The following SERTAD1 variants were observed in gnomAD, a reference collection of about 807,000 sequenced individuals.
SERTAD1 encodes SERTA domain containing 1.
SERTAD1 carries 5 observed loss-of-function variants against 11.7 expected under a neutral mutation model. The observed-to-expected ratio is 0.43, with a 90% confidence interval of 0.22 to 0.90. The LOEUF is 0.90. Among genes scored for constraint, SERTAD1 ranks in the 40% least tolerant of loss-of-function variants. The probability of loss-of-function intolerance (pLI) is 0.27; values close to 1 mark genes in which losing one functional copy is unlikely to be tolerated. For synonymous variants in SERTAD1, 139 were observed against 141.4 expected (o/e 0.98, Z 0.12); for missense variants, 287 against 313.9 (o/e 0.91, Z 0.65).
chr19:40,423,064 GGCT>G lies in SERTAD1; in HGVS notation c.480_482del (p.Ala161del). 1 of 1,581,894 alleles carries G rather than the reference GGCT, an allele frequency of 6.3e-7. No homozygotes were observed. Among genetic ancestry groups the G allele is most frequent in the Non-Finnish European group, 8.6e-7 (1 of 1,164,026 alleles). Reference sequence around the variant, plus strand: ...GCCCATCGTCCAGTAGACAGCCAGTGGCTGGGCCCAGCAGGTCCAAGGCACCCA... The same window carrying G: ...GCCCATCGTCCAGTAGACAGCCAGTGGGGCCCAGCAGGTCCAAGGCACCCA... On this transcript the variant is annotated inframe_deletion, in exon 2 of 2. Coordinates refer to ENST00000357949, the MANE Select transcript of SERTAD1 (RefSeq NM_013376.4).
intron 1 of SERTAD1, among the ~76,000 whole-genome samples, chr19:40,423,888 G>A (rs985938171): frequency 3.3e-5 from 5 of 151,770 alleles, no homozygotes; most frequent in Non-Finnish European, 7.4e-5. Flanking sequence ...CACCACACCC[G>A]GCTAATTTTT....
Position 40,422,195 on chromosome 19 carries a change from G to A in SERTAD1, c.*641C>T, listed in dbSNP as rs2145756523. 6.7e-6 allele frequency: 1 copy of A among 150,220 alleles called. No homozygotes were observed. Among genetic ancestry groups the A allele is most frequent in the East Asian group, 2.0e-4 (1 of 5,122 alleles). The allele number at this position is 150,220 out of a possible 1,614,324, so 9.3% of individuals were successfully genotyped here. A position where few individuals can be genotyped will look rare whatever the true frequency, so the allele number is the denominator to read the frequency against. On this transcript the variant is annotated 3_prime_UTR_variant, in exon 2 of 2. Transcript: ENST00000357949. Reference sequence around the variant, plus strand: ...CGCTTGAGCCCAGGAGTTTGAGGCTGTAGTGAGCCATGATCAGACCACTGT... The same window carrying A: ...CGCTTGAGCCCAGGAGTTTGAGGCTATAGTGAGCCATGATCAGACCACTGT...
At position 40,423,282 on chromosome 19, in the gene SERTAD1, G is replaced by A; in HGVS notation, c.265C>T (p.Pro89Ser). 1 of 1,608,498 alleles carries A rather than the reference G, an allele frequency of 6.2e-7. No individual in the cohort carries two copies. The change falls in exon 2 of 2, where the codon CCT becomes TCT. Residue 89 changes from proline (P) to serine (S), a missense_variant. By Grantham distance (74) the Pro-to-Ser change is moderately conservative (BLOSUM62 -1). Coordinates refer to ENST00000357949, the MANE Select transcript of SERTAD1 (RefSeq NM_013376.4). ...ASMAPAAALPPVPSPPAAPSV... is the reference protein window; with the variant it reads ...ASMAPAAALPSVPSPPAAPSV... The stretch of plus-strand genomic sequence containing the variant: ...GGGGCTGCAGGTGGGCTAGGCACAG[G>A]TGGCAGGGCAGCCGCGGGTGCCATG...
Position 40,424,518 on chromosome 19 carries a change from T to C in SERTAD1, c.1-972A>G, listed in dbSNP as rs2079609628. On this transcript the variant is annotated intron_variant, in intron 1 of 1. Transcript: ENST00000357949. ...ATATTTATTGTCTACTATGACTATG[T>C]TTCAAACAGTAAATAAATAAGGAAA... Among the ~76,000 whole-genome samples the C allele has an allele frequency of 2.6e-5, 4 of 152,130 alleles. No individual in the cohort carries two copies. In the South Asian group the frequency reaches 6.2e-4, roughly 24 times the overall value.
At chr19:40,424,770 T>C (rs1599673766) in intron 1 of SERTAD1, among the ~76,000 whole-genome samples, 2 of 152,204 alleles carry the variant, frequency 1.3e-5, no homozygotes, top group African/African-American at 4.8e-5. Flanking sequence ...GAGACCAGCA[T>C]GGGTGGCACA....
Position 40,422,959 on chromosome 19 carries a change from T to C in SERTAD1, c.588A>G (p.Pro196=). 5 of 1,605,894 alleles carry C rather than the reference T, an allele frequency of 3.1e-6. No individual in the cohort carries two copies. Among genetic ancestry groups the C allele is most frequent in the Non-Finnish European group, 8.5e-7 (1 of 1,175,918 alleles). The change falls in exon 2 of 2, where the codon CCA becomes CCG. Residue 196 remains proline, a synonymous_variant. Transcript: ENST00000357949. The stretch of plus-strand genomic sequence containing the variant: ...CCTTGCCCGGCCCATCCTCAGGGCC[T>C]GGTTTGAGGCCCTCAGAGGCTGGTG... ...LWAPASEGLK[P]GPEDGPGKEE...
rs546888322 is a variant in SERTAD1 at position 40,425,563 on chromosome 19, C to T, written c.-1+304G>A. Among the ~76,000 whole-genome samples the T allele has an allele frequency of 1.3e-4, 20 of 152,334 alleles. No individual in the cohort carries two copies. In the South Asian group the frequency reaches 3.9e-3, roughly 30 times the overall value. On this transcript the variant is annotated intron_variant, in intron 1 of 1. Coordinates refer to ENST00000357949, the MANE Select transcript of SERTAD1 (RefSeq NM_013376.4). ...CTCCCGGCGCCGTGCGAGCCGGGAC[C>T]CCTGGCGGGCTGTTCTCTGCGCCCG...
intron 1 of SERTAD1, among the ~76,000 whole-genome samples, chr19:40,425,225 G>T (rs997009309): frequency 6.6e-6 from 1 of 152,142 alleles, no homozygotes; most frequent in Non-Finnish European, 1.5e-5. Context: ...AGTGGCGGGG[G>T]TAGGGCTGGA....
Position 40,425,965 on chromosome 19 carries a change from C to T in SERTAD1, c.-99G>A, listed in dbSNP as rs1178481949. The T allele has an allele frequency of 6.6e-6, 1 of 152,250 alleles. No individual in the cohort carries two copies. Among genetic ancestry groups the T allele is most frequent in the East Asian group, 1.9e-4 (1 of 5,180 alleles). 9.4% of individuals were successfully genotyped at this position (152,250 alleles called of 1,614,324 possible). A position where few individuals can be genotyped will look rare whatever the true frequency, so the allele number is the denominator to read the frequency against. The stretch of plus-strand genomic sequence containing the variant: ...CGCTTGTTGGCTGTCCTCCGGAAAC[C>T]CGCGCCTGGGTCGCGAGACGCAGTT... On this transcript the variant is annotated 5_prime_UTR_variant, in exon 1 of 2. Transcript: ENST00000357949.
intron 1 of SERTAD1, among the ~76,000 whole-genome samples, chr19:40,425,433 G>A (rs1160903683): frequency 6.6e-6 from 1 of 152,020 alleles, no homozygotes; most frequent in African/African-American, 2.4e-5. Context: ...CCGGGTCCCG[G>A]CGCCCCCTAG....
intron 1 of SERTAD1, among the ~76,000 whole-genome samples, chr19:40,425,366 C>A (rs2079612561): frequency 6.6e-6 from 1 of 152,238 alleles, no homozygotes; most frequent in African/African-American, 2.4e-5. Context: ...GTCCCCTTCC[C>A]CGCAGTCCGG....
rs139675217 is a variant in SERTAD1, at chr19:40,423,064, G to C, written c.483C>G (p.Ala161=). ...SLGALDLLGP[A]TGCLLDDGLE... Reference sequence around the variant, plus strand: ...GCCCATCGTCCAGTAGACAGCCAGTGGCTGGGCCCAGCAGGTCCAAGGCAC... The same window carrying C: ...GCCCATCGTCCAGTAGACAGCCAGTCGCTGGGCCCAGCAGGTCCAAGGCAC... The change falls in exon 2 of 2, where the codon GCC becomes GCG. Residue 161 remains alanine (A), a synonymous_variant. Transcript: ENST00000357949. 8.1e-4 allele frequency: 1,279 copies of C among 1,581,894 alleles called. 11 individuals carry two copies. The highest frequency in any genetic ancestry group is 2.7e-3 in the Middle Eastern group (16 of 6,024).
chr19:40,422,141 A>G lies in SERTAD1; in HGVS notation c.*695T>C, dbSNP rs1310958615. On this transcript the variant is annotated 3_prime_UTR_variant, in exon 2 of 2. Coordinates refer to ENST00000357949, the MANE Select transcript of SERTAD1 (RefSeq NM_013376.4). ...AATCTGTCTTAAAAAAAAAAGAAAGAAAAAAAAAAAGTGGCCTGGTAGGAG... is the reference window on the plus strand; with the variant it reads ...AATCTGTCTTAAAAAAAAAAGAAAGGAAAAAAAAAAGTGGCCTGGTAGGAG... 2 of 138,954 alleles carry G rather than the reference A, an allele frequency of 1.4e-5. No individual in the cohort carries two copies. The highest frequency in any genetic ancestry group is 4.0e-4 in the East Asian group (2 of 5,016). 8.6% of individuals were successfully genotyped at this position (138,954 alleles called of 1,614,324 possible).
intron 1 of SERTAD1, among the ~76,000 whole-genome samples, chr19:40,424,536 TAAGG>T (rs1286053834): frequency 6.6e-6 from 1 of 152,112 alleles, no homozygotes; most frequent in Non-Finnish European, 1.5e-5. Context: ...AGTAAATAAA[TAAGG>T]AAACACAGGA....
In SERTAD1 at chr19:40,421,823, C is replaced by T. The variant is rs1211743058; in HGVS notation, c.*1013G>A. On this transcript the variant is annotated 3_prime_UTR_variant, in exon 2 of 2. Coordinates refer to ENST00000357949, the MANE Select transcript of SERTAD1 (RefSeq NM_013376.4). ...ATTTTTAAAAAGTTGCCTTGACTTCCTGCTAGCAAAGAAAAGAAATAAAAT... is the reference window on the plus strand; with the variant it reads ...ATTTTTAAAAAGTTGCCTTGACTTCTTGCTAGCAAAGAAAAGAAATAAAAT... 6.6e-6 allele frequency: 1 copy of T among 151,194 alleles called. No individual in the cohort carries two copies. The highest frequency in any genetic ancestry group is 1.9e-4 in the East Asian group (1 of 5,166). 9.4% of individuals were successfully genotyped at this position (151,194 alleles called of 1,614,324 possible).
At chr19:40,424,005 T>A (rs1420320401) in intron 1 of SERTAD1, among the ~76,000 whole-genome samples, 5 of 152,092 alleles carry the variant, frequency 3.3e-5, no homozygotes, top group African/African-American at 9.7e-5. Context: ...TGGGATTACA[T>A]GCGTGAGCCA....
intron 1 of SERTAD1, 39 bp from the exon 2 acceptor site, chr19:40,423,585 T>C (rs1283567202): frequency 3.8e-6 from 5 of 1,325,160 alleles, no homozygotes; most frequent in Admixed American, 4.3e-5. Context: ...TAGTCAGTTA[T>C]AGAAAACAAA....
chr19:40,424,019 C>T (rs1226972954), intron 1 of SERTAD1, among the ~76,000 whole-genome samples: 1 of 151,996 alleles, frequency 6.6e-6, no homozygotes, highest in East Asian at 1.9e-4. Flanking sequence ...TGAGCCACCG[C>T]GCCTGGCCTA....
chr19:40,422,597 AG>A lies in SERTAD1; in HGVS notation c.*238del. 1 of 498,192 alleles carries A rather than the reference AG, an allele frequency of 2.0e-6. No individual in the cohort carries two copies. Among genetic ancestry groups the A allele is most frequent in the Non-Finnish European group, 3.5e-6 (1 of 283,846 alleles). The allele number at this position is 498,192 out of a possible 1,614,324, so 30.9% of individuals were successfully genotyped here. A position where few individuals can be genotyped will look rare whatever the true frequency, so the allele number is the denominator to read the frequency against. ...CAGCCCAAGCTATGACCCCAGGGCC[AG>A]GGAATTCAGTCCCCACCAGACCCTG... On this transcript the variant is annotated 3_prime_UTR_variant, in exon 2 of 2. Transcript: ENST00000357949.
Sources: allele counts gnomAD v4.1 joint callset (sites outside exome capture counted in the v4.1 genomes callset), GRCh38; gene constraint gnomAD v4.1.1; transcripts MANE v1.5; gene names NCBI Gene and HGNC (gene_info 2026-07-23, HGNC 2026-07-21).